FGF14: variants seen among roughly 807,000 people sequenced by gnomAD.
FGF14 encodes the protein fibroblast growth factor 14, also known as fibroblast growth factor homologous factor 4.
In FGF14, 5 loss-of-function variants were observed where a neutral mutation model predicts 25.5. That is an observed-to-expected ratio of 0.20 (90% CI 0.10 to 0.41). FGF14 has a LOEUF of 0.41. Ranked by LOEUF, FGF14 falls within the 10% of genes least tolerant of loss-of-function variation. The pLI is 1.00. For missense variants in FGF14, 222 were observed against 320.1 expected (o/e 0.69, Z 2.34); for synonymous variants, 138 against 118.3 (o/e 1.17, Z -1.08).
intron 3 of FGF14, among the ~76,000 whole-genome samples, chr13:101,806,841 G>T (rs1394590465): frequency 3.3e-5 from 5 of 152,102 alleles, no homozygotes; most frequent in African/African-American, 4.8e-5. Context: ...TGTTTGGGGA[G>T]TAAAGACTAT....
chr13:102,328,502 T>C (rs1281930037), intron 1 of FGF14, among the ~76,000 whole-genome samples: 1 of 152,198 alleles, frequency 6.6e-6, no homozygotes, highest in Non-Finnish European at 1.5e-5. Context: ...CTTGTAGTTA[T>C]TTGCTAGAAT....
intron 1 of FGF14, among the ~76,000 whole-genome samples, chr13:102,263,507 G>A (rs1367341995): frequency 1.3e-5 from 2 of 152,086 alleles, no homozygotes; most frequent in Non-Finnish European, 2.9e-5. Context: ...ATTAGAGAGA[G>A]ATTATGAAGT....
At chr13:102,087,403 A>ATTTTTTTT (rs1485606038) in intron 1 of FGF14, among the ~76,000 whole-genome samples, 1 of 80,522 alleles carries the variant, frequency 1.2e-5, no homozygotes, top group Non-Finnish European at 2.7e-5. Flanking sequence ...ATAGACTGTA[A>ATTTTTTTT]TTTCTTTTTT....
intron 1 of FGF14, among the ~76,000 whole-genome samples, chr13:102,275,249 T>TCTCTCTCC (rs2053467340): frequency 9.9e-6 from 1 of 101,384 alleles, no homozygotes; most frequent in Non-Finnish European, 1.9e-5. Flanking sequence ...TCTCTCTCTC[T>TCTCTCTCC]CTCTCTCTCT....
chr13:102,355,058 G>C (rs2057383875), intron 1 of FGF14, among the ~76,000 whole-genome samples: 2 of 152,148 alleles, frequency 1.3e-5, no homozygotes, highest in South Asian at 4.1e-4. Flanking sequence ...ACAGTCTTCA[G>C]GGAAAAAGGT....
chr13:102,258,615 G>A (rs556735683), intron 1 of FGF14, among the ~76,000 whole-genome samples: 3 of 152,286 alleles, frequency 2.0e-5, no homozygotes, highest in African/African-American at 7.2e-5. Context: ...GCAGCAGATG[G>A]CAGCAGATGG....
In FGF14 at chr13:102,380,560, C is replaced by T. The variant is rs2058159429; in HGVS notation, c.208+20911G>A. On this transcript the variant is annotated intron_variant, in intron 1 of 4. Transcript: ENST00000376131. ...ATGACAGGGCTTTAATCTACTCAATCGGGTATTTTCCTAACAAAGCACAGA... is the reference window on the plus strand; with the variant it reads ...ATGACAGGGCTTTAATCTACTCAATTGGGTATTTTCCTAACAAAGCACAGA... Among the ~76,000 whole-genome samples, 4 of 152,174 alleles carry T rather than the reference C, an allele frequency of 2.6e-5. No homozygotes were observed. In the South Asian group the frequency reaches 8.3e-4, roughly 32 times the overall value.
At chr13:101,830,405 G>C (rs1024786298) in intron 3 of FGF14, among the ~76,000 whole-genome samples, 2 of 152,026 alleles carry the variant, frequency 1.3e-5, no homozygotes, top group Non-Finnish European at 1.5e-5. Context: ...ACAGGTCCCT[G>C]GCAGGCTGGA....
At chr13:102,337,034 C>T (rs910222284) in intron 1 of FGF14, among the ~76,000 whole-genome samples, 1 of 152,204 alleles carries the variant, frequency 6.6e-6, no homozygotes, top group Non-Finnish European at 1.5e-5. Flanking sequence ...TGCCTGTTAA[C>T]ACAACATGCA....
intron 3 of FGF14, among the ~76,000 whole-genome samples, chr13:101,806,382 C>T (rs1484049267): frequency 6.7e-6 from 1 of 150,238 alleles, no homozygotes; most frequent in Non-Finnish European, 1.5e-5. Context: ...TTGTGTCACT[C>T]CACACCAGCC....
chr13:102,141,693 TC>T (rs1462834978), intron 1 of FGF14, among the ~76,000 whole-genome samples: 1 of 152,186 alleles, frequency 6.6e-6, no homozygotes, highest in African/African-American at 2.4e-5. Context: ...ATAGGATTTT[TC>T]TTTAAGTATA....
chr13:102,106,585 AGGG>A (rs2044927660), intron 1 of FGF14, among the ~76,000 whole-genome samples: 2 of 69,644 alleles, frequency 2.9e-5, no homozygotes, highest in South Asian at 1.3e-3. Flanking sequence ...AAAAAGAGGG[AGGG>A]AGGGAGGGAG....
chr13:102,276,827 T>TA (rs2053574245), intron 1 of FGF14, among the ~76,000 whole-genome samples: 1 of 152,292 alleles, frequency 6.6e-6, no homozygotes, highest in South Asian at 2.1e-4. Flanking sequence ...TGCAAAGAGT[T>TA]AGAGATTATG....
At chr13:102,338,085 G>GT (rs888417022) in intron 1 of FGF14, among the ~76,000 whole-genome samples, 64 of 148,730 alleles carry the variant, frequency 4.3e-4, no homozygotes, top group Non-Finnish European at 4.0e-4. Flanking sequence ...ATTTTGTCTG[G>GT]TTTTTTTTTT....
intron 1 of FGF14, among the ~76,000 whole-genome samples, chr13:102,180,203 C>G (rs1412180893): frequency 6.6e-6 from 1 of 152,186 alleles, no homozygotes; most frequent in Non-Finnish European, 1.5e-5. Flanking sequence ...TGATGCTATT[C>G]TGTTGACAGT....
intron 3 of FGF14, among the ~76,000 whole-genome samples, chr13:101,759,515 G>C (rs956754474): frequency 4.6e-5 from 7 of 152,130 alleles, no homozygotes; most frequent in African/African-American, 1.7e-4. Flanking sequence ...CAGATTCTCT[G>C]AGTGCCCATT....
intron 1 of FGF14, among the ~76,000 whole-genome samples, chr13:102,286,102 T>C (rs1005932255): frequency 6.6e-6 from 1 of 152,168 alleles, no homozygotes; most frequent in Admixed American, 6.5e-5. Flanking sequence ...TCCAACTTGG[T>C]AGAGGGAGGT....
intron 1 of FGF14, among the ~76,000 whole-genome samples, chr13:101,931,333 A>C (rs1488487588): frequency 6.6e-6 from 1 of 152,020 alleles, no homozygotes; most frequent in Admixed American, 6.6e-5. Context: ...GTCTTCACTC[A>C]TTTCACTGTC....
At chr13:102,322,096 A>G (rs907624840) in intron 1 of FGF14, among the ~76,000 whole-genome samples, 1 of 152,208 alleles carries the variant, frequency 6.6e-6, no homozygotes, top group Non-Finnish European at 1.5e-5. Context: ...ACTGTAATGA[A>G]AAACTAATGG....
Sources: allele counts gnomAD v4.1 joint callset (sites outside exome capture counted in the v4.1 genomes callset), GRCh38; gene constraint gnomAD v4.1.1; transcripts MANE v1.5; gene names NCBI Gene and HGNC (gene_info 2026-07-23, HGNC 2026-07-21).